FAT3: variants seen among roughly 807,000 people sequenced by gnomAD.
FAT3 encodes protocadherin Fat 3.
Under a neutral mutation model 310.2 loss-of-function variants are expected in FAT3, and 95 were observed. That is an observed-to-expected ratio of 0.31 (90% CI 0.26 to 0.36). The LOEUF (loss-of-function observed/expected upper bound fraction) is 0.36. Among genes scored for constraint, FAT3 ranks in the 10% least tolerant of loss-of-function variants. FAT3 has a pLI of 1.00. For missense variants in FAT3, 5,408 were observed against 5,715.6 expected, an observed-to-expected ratio of 0.95 and a Z score of 1.74; for synonymous variants, 2,314 against 2,192.9, an observed-to-expected ratio of 1.06 and a Z score of -1.54.
intron 1 of FAT3, among the ~76,000 whole-genome samples, chr11:92,295,708 T>TCCCAG (rs1407106026): frequency 2.0e-5 from 3 of 152,150 alleles, no homozygotes; most frequent in African/African-American, 7.2e-5. Context: ...CATTTATTAA[T>TCCCAG]GTTTTTCAGC....
intron 3 of FAT3, among the ~76,000 whole-genome samples, chr11:92,552,948 A>C (rs1183555532): frequency 8.2e-6 from 1 of 121,728 alleles, no homozygotes; most frequent in East Asian, 2.7e-4. Context: ...AGACACGTTC[A>C]AACAAAAAAA....
At chr11:92,881,952 C>T (rs1463011878) in intron 23 of FAT3, among the ~76,000 whole-genome samples, 3 of 152,168 alleles carry the variant, frequency 2.0e-5, no homozygotes, top group African/African-American at 2.4e-5. Context: ...CACCCACCCA[C>T]CTGCAGCCCC....
intron 4 of FAT3, among the ~76,000 whole-genome samples, chr11:92,720,731 T>C (rs907738635): frequency 1.3e-5 from 2 of 152,238 alleles, no homozygotes; most frequent in African/African-American, 4.8e-5. Context: ...TCTTCATCTT[T>C]TCTAATAGCA....
At chr11:92,489,150 A>G (rs868029891) in intron 2 of FAT3, among the ~76,000 whole-genome samples, 8 of 152,220 alleles carry the variant, frequency 5.3e-5, no homozygotes, top group Middle Eastern at 6.8e-3. Flanking sequence ...AGAATTCTGC[A>G]TTTGTTAATG....
intron 1 of FAT3, among the ~76,000 whole-genome samples, chr11:92,308,865 A>G (rs75110219): frequency 6.6e-6 from 1 of 152,082 alleles, no homozygotes; most frequent in African/African-American, 2.4e-5. Context: ...TAAAAAAAAA[A>G]TAGCAGACCC....
intron 12 of FAT3, among the ~76,000 whole-genome samples, chr11:92,808,256 A>G (rs967115668): frequency 6.6e-6 from 1 of 152,198 alleles, no homozygotes; most frequent in Non-Finnish European, 1.5e-5. Context: ...TCAAGGCACA[A>G]TGAAATGAGT....
At chr11:92,772,281 G>A (rs1371852250) in intron 6 of FAT3, among the ~76,000 whole-genome samples, 3 of 152,098 alleles carry the variant, frequency 2.0e-5, no homozygotes, top group Non-Finnish European at 4.4e-5. Flanking sequence ...CAGGACTTAT[G>A]AGGCAATTTT....
intron 4 of FAT3, 85 bp downstream of exon 4, chr11:92,697,530 A>G: frequency 1.6e-6 from 2 of 1,245,698 alleles, no homozygotes; most frequent in East Asian, 2.3e-5. Context: ...CACCTTCAAT[A>G]TATTTGAACA....
At chr11:92,630,940 C>G (rs1941536318) in intron 3 of FAT3, among the ~76,000 whole-genome samples, 1 of 152,138 alleles carries the variant, frequency 6.6e-6, no homozygotes, top group South Asian at 2.1e-4. Context: ...TAGCTCACAG[C>G]TTTTTTGGAA....
chr11:92,820,901 A>G (rs1213121830), intron 13 of FAT3, among the ~76,000 whole-genome samples: 1 of 152,186 alleles, frequency 6.6e-6, no homozygotes, highest in East Asian at 1.9e-4. Flanking sequence ...GATCATAGCC[A>G]TTATCTTTTC....
intron 27 of FAT3, 149 bp downstream of exon 27, chr11:92,890,040 A>G: frequency 1.4e-6 from 1 of 701,700 alleles, no homozygotes. Context: ...TGAAAGCTCC[A>G]CCAGCATTCC....
At position 92,672,146 on chromosome 11, in the gene FAT3, T is replaced by A. The variant is rs903709850; in HGVS notation, c.3608-25238T>A. ...AATAAATAAATAAATAAATATTTTT[T>A]AAATAACGAATGAATGTGATTTCTA... On this transcript the variant is annotated intron_variant, in intron 3 of 27. Coordinates refer to ENST00000525166, the MANE Select transcript of FAT3 (RefSeq NM_001367949.2). 1.2e-4 allele frequency among the ~76,000 whole-genome samples: 18 copies of A among 152,244 alleles called. No homozygotes were observed. The South Asian group carries it at 3.1e-3, about 26-fold the overall frequency.
chr11:92,565,490 C>A (rs1036026145), intron 3 of FAT3, among the ~76,000 whole-genome samples: 17 of 148,386 alleles, frequency 1.1e-4, no homozygotes, highest in African/African-American at 3.4e-4. Context: ...CCTTCTGAAA[C>A]TATTCCAATC....
At position 92,819,063 on chromosome 11, in the gene FAT3, A is replaced by C. The variant is rs533023486; in HGVS notation, c.9481+8987A>C. ...TTCCCATTTCTCATAATAGCCCTGC[A>C]AGTTAGCGTACTTTTTCATTCTATT... is the stretch of plus-strand genomic sequence containing the variant. On this transcript the variant is annotated intron_variant, in intron 13 of 27. Transcript: ENST00000525166. Among the ~76,000 whole-genome samples, 5 of 152,354 alleles carry C rather than the reference A, an allele frequency of 3.3e-5. No individual in the cohort carries two copies. In the East Asian group the frequency reaches 7.7e-4, roughly 23 times the overall value.
intron 2 of FAT3, among the ~76,000 whole-genome samples, chr11:92,441,743 A>C (rs916176953): frequency 1.3e-5 from 2 of 152,154 alleles, no homozygotes; most frequent in African/African-American, 2.4e-5. Flanking sequence ...CCAACACACA[A>C]GCCTAAGTGG....
intron 2 of FAT3, among the ~76,000 whole-genome samples, chr11:92,462,479 A>G (rs1016613326): frequency 1.3e-5 from 2 of 152,164 alleles, no homozygotes; most frequent in African/African-American, 4.8e-5. Flanking sequence ...AGCAAGCTTT[A>G]AAGAAATTTT....
chr11:92,629,585 A>G (rs1056585379), intron 3 of FAT3, among the ~76,000 whole-genome samples: 2 of 151,764 alleles, frequency 1.3e-5, no homozygotes, highest in Non-Finnish European at 2.9e-5. Context: ...TAATTTTTAA[A>G]TTCTTTGTAG....
intron 4 of FAT3, among the ~76,000 whole-genome samples, chr11:92,749,635 G>T (rs939586053): frequency 6.6e-6 from 1 of 152,104 alleles, no homozygotes; most frequent in South Asian, 2.1e-4. Flanking sequence ...AGACTATGAC[G>T]GAGGTAGGAA....
chr11:92,634,863 T>C (rs1335983657), intron 3 of FAT3, among the ~76,000 whole-genome samples: 5 of 151,932 alleles, frequency 3.3e-5, no homozygotes, highest in Admixed American at 6.6e-5. Context: ...AGTGAGGTCA[T>C]AAAAATGGAC....
Sources: allele counts gnomAD v4.1 joint callset (sites outside exome capture counted in the v4.1 genomes callset), GRCh38; gene constraint gnomAD v4.1.1; transcripts MANE v1.5; gene names NCBI Gene and HGNC (gene_info 2026-07-23, HGNC 2026-07-21).